The following EPC2 variants were observed in gnomAD, a reference collection of about 807,000 sequenced individuals.
EPC2 encodes enhancer of polycomb homolog 2.
EPC2 carries 14 observed loss-of-function variants against 92.1 expected under a neutral mutation model. The ratio of observed to expected loss-of-function variants is 0.15; its 90% CI spans 0.10 to 0.24. EPC2 has a LOEUF of 0.24. Ranked by LOEUF, EPC2 falls within the 10% of genes least tolerant of loss-of-function variation. The pLI is 1.00. For synonymous variants in EPC2, 340 were observed against 334.7 expected, an observed-to-expected ratio of 1.02 and a Z score of -0.17; for missense variants, 755 against 971.5, an observed-to-expected ratio of 0.78 and a Z score of 2.96.
At chr2:148,767,058 C>T (rs1488930151) in intron 7 of EPC2, among the ~76,000 whole-genome samples, 8 of 151,984 alleles carry the variant, frequency 5.3e-5, no homozygotes, top group African/African-American at 1.2e-4. Flanking sequence ...ATTAGCCAGG[C>T]GTGGTGACAC....
At chr2:148,645,392 A>T in intron 1 of EPC2, 1 of 477,962 alleles carries the variant, frequency 2.1e-6, no homozygotes, top group African/African-American at 2.0e-5. Flanking sequence ...ATTAGCTCGC[A>T]GCGCTGCTTA....
intron 10 of EPC2, among the ~76,000 whole-genome samples, chr2:148,777,508 T>C (rs924517577): frequency 1.3e-5 from 2 of 149,784 alleles, no homozygotes; most frequent in African/African-American, 4.9e-5. Context: ...AGATTGTTCT[T>C]TTTGTTTGTC....
At chr2:148,776,558 A>C (rs188624710) in intron 10 of EPC2, among the ~76,000 whole-genome samples, 1 of 152,338 alleles carries the variant, frequency 6.6e-6, no homozygotes, top group Non-Finnish European at 1.5e-5. Flanking sequence ...GTTTGTCAGC[A>C]GAGTAGCACC....
intron 2 of EPC2, among the ~76,000 whole-genome samples, chr2:148,694,751 C>CTTA (rs753949148): frequency 7.2e-5 from 11 of 152,128 alleles, no homozygotes; most frequent in Admixed American, 5.9e-4. Flanking sequence ...CACGAAGGAA[C>CTTA]TTAACATTCT....
intron 2 of EPC2, among the ~76,000 whole-genome samples, chr2:148,711,873 T>C (rs1305352294): frequency 6.6e-6 from 1 of 152,196 alleles, no homozygotes; most frequent in Non-Finnish European, 1.5e-5. Flanking sequence ...GTGAGGTCTC[T>C]TCTGTCTCAA....
Position 148,786,466 on chromosome 2 carries a change from G to C in EPC2, c.*89G>C. 9.7e-7 allele frequency: 1 copy of C among 1,032,026 alleles called. No homozygotes were observed. Among genetic ancestry groups the C allele is most frequent in the Non-Finnish European group, 1.5e-6 (1 of 676,068 alleles). 63.9% of individuals were successfully genotyped at this position (1,032,026 alleles called of 1,614,324 possible). On this transcript the variant is annotated 3_prime_UTR_variant, in exon 14 of 14. Transcript: ENST00000258484. ...AAAAGGCAACACTCTGTGGATCACA[G>C]AGTGTAACAATGGACCTAAATGGAC...
intron 2 of EPC2, among the ~76,000 whole-genome samples, chr2:148,706,829 A>G (rs1345927568): frequency 1.3e-5 from 2 of 152,220 alleles, no homozygotes; most frequent in Admixed American, 6.5e-5. Context: ...GGCTTGCCGT[A>G]CAAGAGCTCC....
chr2:148,721,139 T>C (rs1682364450), intron 2 of EPC2, among the ~76,000 whole-genome samples: 1 of 152,194 alleles, frequency 6.6e-6, no homozygotes, highest in Admixed American at 6.5e-5. Context: ...CCTATGTTTA[T>C]GTAGATCTGA....
At chr2:148,669,940 G>A (rs1208865047) in intron 1 of EPC2, among the ~76,000 whole-genome samples, 3 of 152,058 alleles carry the variant, frequency 2.0e-5, no homozygotes, top group Non-Finnish European at 4.4e-5. Flanking sequence ...TCCAGCCTCG[G>A]GTAGTTTCTT....
intron 1 of EPC2, among the ~76,000 whole-genome samples, chr2:148,686,728 G>A (rs1681534426): frequency 6.6e-6 from 1 of 152,102 alleles, no homozygotes; most frequent in South Asian, 2.1e-4. Flanking sequence ...AGACTTCTTG[G>A]GTGACCATAT....
intron 3 of EPC2, among the ~76,000 whole-genome samples, chr2:148,744,596 T>C (rs952727857): frequency 6.6e-6 from 1 of 152,092 alleles, no homozygotes; most frequent in Admixed American, 6.6e-5. Flanking sequence ...AGCAAAAGAA[T>C]AAGGAAGTTT....
chr2:148,702,723 A>G (rs79162090), intron 2 of EPC2, among the ~76,000 whole-genome samples: 6,247 of 152,342 alleles, frequency 0.041, 168 homozygotes, highest in Non-Finnish European at 0.058. Context: ...GAATGAAAGC[A>G]ATGAGATGAA....
intron 11 of EPC2, among the ~76,000 whole-genome samples, chr2:148,782,744 A>T (rs1433144690): frequency 2.0e-5 from 1 of 50,488 alleles, no homozygotes; most frequent in Non-Finnish European, 4.3e-5. Flanking sequence ...TGGCCTGCAG[A>T]ACTATATGAT....
chr2:148,735,031 T>C (rs1274894335), intron 2 of EPC2, among the ~76,000 whole-genome samples: 2 of 152,062 alleles, frequency 1.3e-5, no homozygotes, highest in Non-Finnish European at 2.9e-5. Flanking sequence ...TTCATAAATA[T>C]TTTGTACAAA....
intron 3 of EPC2, among the ~76,000 whole-genome samples, chr2:148,749,763 A>G (rs1254514512): frequency 6.6e-6 from 1 of 152,132 alleles, no homozygotes; most frequent in African/African-American, 2.4e-5. Flanking sequence ...AGTGAACCCC[A>G]TCACACAATA....
chr2:148,665,409 A>G (rs1229994289), intron 1 of EPC2, among the ~76,000 whole-genome samples: 3 of 152,212 alleles, frequency 2.0e-5, no homozygotes, highest in Non-Finnish European at 4.4e-5. Context: ...GTGAATATTT[A>G]AGCTACATTG....
intron 1 of EPC2, among the ~76,000 whole-genome samples, chr2:148,657,061 T>C (rs888351010): frequency 6.6e-6 from 1 of 152,026 alleles, no homozygotes; most frequent in African/African-American, 2.4e-5. Context: ...AGTAGAGTTA[T>C]TAAGAGAGTT....
intron 2 of EPC2, among the ~76,000 whole-genome samples, chr2:148,712,232 T>C (rs964708241): frequency 6.6e-6 from 1 of 151,674 alleles, no homozygotes; most frequent in African/African-American, 2.4e-5. Flanking sequence ...TCATACTGTT[T>C]GTGTGTGTGG....
intron 4 of EPC2, among the ~76,000 whole-genome samples, chr2:148,757,807 C>G (rs1240678002): frequency 6.6e-6 from 1 of 151,900 alleles, no homozygotes; most frequent in African/African-American, 2.4e-5. Flanking sequence ...TGCACTCCAG[C>G]CTGGGCAACA....
Sources: allele counts gnomAD v4.1 joint callset (sites outside exome capture counted in the v4.1 genomes callset), GRCh38; gene constraint gnomAD v4.1.1; transcripts MANE v1.5; gene names NCBI Gene and HGNC (gene_info 2026-07-23, HGNC 2026-07-21).